Variants in SRARP observed in about 807,000 individuals in gnomAD.
SRARP encodes the protein steroid receptor-associated and regulated protein.
Under a neutral mutation model 3.6 loss-of-function variants are expected in SRARP, and 5 were observed. The observed-to-expected ratio is 1.39, with a 90% CI of 0.73 to 2.93. SRARP has a LOEUF of 2.93. Among genes scored for constraint, SRARP ranks in the 30% most tolerant of loss-of-function variants. SRARP has a pLI of 0.00. For missense variants in SRARP, 215 were observed against 216.7 expected (o/e 0.99, Z 0.05); for synonymous variants, 96 against 91.6 (o/e 1.05, Z -0.27).
chr1:16,006,779 G>C lies in SRARP; in HGVS notation c.*433G>C, dbSNP rs569794331. The C allele has an allele frequency of 2.7e-4, 43 of 160,990 alleles. No homozygotes were observed. Among genetic ancestry groups the C allele is most frequent in the Non-Finnish European group, 5.5e-4 (40 of 73,252 alleles). 10.0% of individuals were successfully genotyped at this position (160,990 alleles called of 1,614,324 possible). ...CTTTCCTGATGCAGTGCTTGGTAAG[G>C]GCCTCTCTGCGCAGGCAACAAAGTG... On this transcript the variant is annotated 3_prime_UTR_variant, in exon 2 of 2. Transcript: ENST00000329454.
chr1:16,004,283 G>A lies in SRARP; in HGVS notation c.-21G>A. ...GACAGCTCCTCTCCTGCCAGAGCTA[G>A]GCAGGCGCCGAAGTAGCCGCATGGC... On this transcript the variant is annotated 5_prime_UTR_variant, in exon 1 of 2. Transcript: ENST00000329454. The A allele has an allele frequency of 6.4e-7, 1 of 1,572,774 alleles. No individual in the cohort carries two copies. Among genetic ancestry groups the A allele is most frequent in the Non-Finnish European group, 8.7e-7 (1 of 1,155,566 alleles).
Position 16,004,363 on chromosome 1 carries a change from G to A in SRARP, c.60G>A (p.Glu20=), listed in dbSNP as rs763276374. The A allele has an allele frequency of 1.9e-6, 3 of 1,608,340 alleles. No individual in the cohort carries two copies. Among genetic ancestry groups the A allele is most frequent in the Non-Finnish European group, 2.5e-6 (3 of 1,177,768 alleles). Residue 20 remains glutamate, a synonymous_variant, in exon 1 of 2, where the codon GAG becomes GAA. Coordinates refer to ENST00000329454, the MANE Select transcript of SRARP (RefSeq NM_178840.4). ...WRANLKGTIR[E]TGLETSSGGK... ...CCAACCTCAAAGGCACCATCCGTGA[G>A]ACAGGCCTGGAGACCAGCTCCGGTA...
intron 1 of SRARP, among the ~76,000 whole-genome samples, chr1:16,004,608 G>A (rs1430333832): frequency 6.6e-6 from 1 of 151,816 alleles, no homozygotes; most frequent in Non-Finnish European, 1.5e-5. Flanking sequence ...CAGCTACTCA[G>A]GAGGTTGAGG....
At position 16,006,236 on chromosome 1, in the gene SRARP, G is replaced by A. The variant is rs750131649; in HGVS notation, c.400G>A (p.Glu134Lys). The A allele has an allele frequency of 1.7e-5, 28 of 1,613,494 alleles. No individual in the cohort carries two copies. Among genetic ancestry groups the A allele is most frequent in the Middle Eastern group, 1.6e-4 (1 of 6,084 alleles). Residue 134 changes from glutamate (E) to lysine (K), a missense_variant, in exon 2 of 2, where the codon GAG becomes AAG. By Grantham distance (56) the Glu-to-Lys change is moderately conservative (BLOSUM62 1). Transcript: ENST00000329454. ...CCCGCTCTGCCCCCAGGAGGTTCCC[G>A]AGGCTAAGGGGAAACCCGTGAAGGC... Reference protein sequence around the residue: ...VSPLCPQEVPEAKGKPVKAAP... With the variant: ...VSPLCPQEVPKAKGKPVKAAP...
chr1:16,004,375 G>A lies in SRARP; in HGVS notation c.72G>A (p.Glu24=). The change falls in exon 1 of 2, where the codon GAG becomes GAA. Residue 24 remains glutamate, a synonymous_variant. Coordinates refer to ENST00000329454, the MANE Select transcript of SRARP (RefSeq NM_178840.4). The part of the protein sequence containing the change: ...LKGTIRETGL[E]TSSGGKLAGH... ...GCACCATCCGTGAGACAGGCCTGGA[G>A]ACCAGCTCCGGTAAGAGGCGGCAAA... 3 of 1,605,838 alleles carry A rather than the reference G, an allele frequency of 1.9e-6. No individual in the cohort carries two copies. In the South Asian group the frequency reaches 3.4e-5, roughly 18 times the overall value.
rs1280993601 is a variant in SRARP, at chr1:16,006,195, C to T, written c.359C>T (p.Ala120Val). The change falls in exon 2 of 2, where the codon GCT becomes GTT. Residue 120 changes from alanine (A) to valine (V), a missense_variant. Coordinates refer to ENST00000329454, the MANE Select transcript of SRARP (RefSeq NM_178840.4). ...CTCTGCAGAGGGTCTGTGGCCTCAGCTTCCTTCCCAGTCAGCCCGCTCTGC... is the reference window on the plus strand; with the variant it reads ...CTCTGCAGAGGGTCTGTGGCCTCAGTTTCCTTCCCAGTCAGCCCGCTCTGC... ...LPLCRGSVASASFPVSPLCPQ... is the reference protein window; with the variant it reads ...LPLCRGSVASVSFPVSPLCPQ... The T allele has an allele frequency of 3.1e-6, 5 of 1,613,844 alleles. No individual in the cohort carries two copies. The highest frequency in any genetic ancestry group is 4.2e-6 in the Non-Finnish European group (5 of 1,180,054).
chr1:16,006,116 C>T lies in SRARP; in HGVS notation c.280C>T (p.Arg94Trp), dbSNP rs377647188. The T allele has an allele frequency of 1.2e-5, 19 of 1,613,720 alleles. No individual in the cohort carries two copies. Among genetic ancestry groups the T allele is most frequent in the Non-Finnish European group, 1.4e-5 (17 of 1,179,908 alleles). ...FCGENWPHLTRVTPMGGGCLA... is the reference protein window; with the variant it reads ...FCGENWPHLTWVTPMGGGCLA... ...TGGGGAAAACTGGCCCCATCTGACT[C>T]GGGTGACCCCCATGGGTGGGGGATG... The change falls in exon 2 of 2, where the codon CGG (arginine) becomes TGG (tryptophan). Residue 94 changes from arginine (R) to tryptophan (W), a missense_variant. By Grantham distance (101) the Arg-to-Trp change is moderately radical. Coordinates refer to ENST00000329454, the MANE Select transcript of SRARP (RefSeq NM_178840.4).
At position 16,006,753 on chromosome 1, in the gene SRARP, C is replaced by T. The variant is rs907198811; in HGVS notation, c.*407C>T. The T allele has an allele frequency of 4.2e-5, 7 of 168,168 alleles. No individual in the cohort carries two copies. The highest frequency in any genetic ancestry group is 3.9e-4 in the Admixed American group (7 of 17,754). 10.4% of individuals were successfully genotyped at this position (168,168 alleles called of 1,614,324 possible). On this transcript the variant is annotated 3_prime_UTR_variant, in exon 2 of 2. Transcript: ENST00000329454. ...AGAGGGAGAGTGATTGGGGTGAAGA[C>T]CTTTCCTGATGCAGTGCTTGGTAAG... is the stretch of plus-strand genomic sequence containing the variant.
Position 16,004,386 on chromosome 1 carries a change from G to T in SRARP, c.82+1G>T. The T allele has an allele frequency of 1.9e-6, 3 of 1,600,360 alleles. No homozygotes were observed. Among genetic ancestry groups the T allele is most frequent in the Non-Finnish European group, 2.6e-6 (3 of 1,173,194 alleles). On this transcript the variant is annotated splice_donor_variant, in intron 1 of 1. Transcript: ENST00000329454. LOFTEE classifies it high-confidence loss of function. ...GAGACAGGCCTGGAGACCAGCTCCGGTAAGAGGCGGCAAAGGGACCCCAGC... is the reference window on the plus strand; with the variant it reads ...GAGACAGGCCTGGAGACCAGCTCCGTTAAGAGGCGGCAAAGGGACCCCAGC...
rs1476222695 is a variant in SRARP, at chr1:16,007,628, G to A, written c.*1282G>A. The A allele has an allele frequency of 2.6e-5, 4 of 152,178 alleles. No homozygotes were observed. Among genetic ancestry groups the A allele is most frequent in the Admixed American group, 2.6e-4 (4 of 15,268 alleles). 9.4% of individuals were successfully genotyped at this position (152,178 alleles called of 1,614,324 possible). On this transcript the variant is annotated 3_prime_UTR_variant, in exon 2 of 2. Coordinates refer to ENST00000329454, the MANE Select transcript of SRARP (RefSeq NM_178840.4). The stretch of plus-strand genomic sequence containing the variant: ...CTTGACTTCTTTTAGTAGAGAAGAG[G>A]TCTCACTGTGCTGCCCAGGCTGGTC...
chr1:16,005,271 C>T (rs1452617283), intron 1 of SRARP, among the ~76,000 whole-genome samples: 1 of 152,168 alleles, frequency 6.6e-6, no homozygotes, highest in Non-Finnish European at 1.5e-5. Flanking sequence ...GGTCCATGGA[C>T]CAGCAGAATT....
rs2073129092 is a variant in SRARP, at chr1:16,006,331, T to TGGGCAGGCTGATTAGCTGGAAG, written c.503_504insTGATTAGCTGGAAGGGGCAGGC (p.Ter170=). The TGGGCAGGCTGATTAGCTGGAAG allele has an allele frequency of 6.3e-7, 1 of 1,594,284 alleles. No homozygotes were observed. The highest frequency in any genetic ancestry group is 1.7e-5 in the Admixed American group (1 of 58,610). On this transcript the variant is annotated stop_gained and frameshift_variant, in exon 2 of 2. Transcript: ENST00000329454. LOFTEE classifies it high-confidence loss of function. ...TGAAAGCCCTCTCCTCTTGTGTCTG[T>TGGGCAGGCTGATTAGCTGGAAG]GGGCAGGCCGATTAGCTGGAAGGGC...
At chr1:16,005,787 T>A in intron 1 of SRARP, 132 bp from the exon 2 acceptor site, 1 of 858,658 alleles carries the variant, frequency 1.2e-6, no homozygotes, top group Non-Finnish European at 1.8e-6. Flanking sequence ...ATGGGAGGAT[T>A]GGTTGAGCCC....
At chr1:16,005,370 A>G (rs1161622159) in intron 1 of SRARP, among the ~76,000 whole-genome samples, 1 of 152,152 alleles carries the variant, frequency 6.6e-6, no homozygotes, top group East Asian at 1.9e-4. Context: ...CAAGCTCCCC[A>G]GGCAGCTCAT....
At position 16,006,260 on chromosome 1, in the gene SRARP, G is replaced by C. The variant is rs1489855451; in HGVS notation, c.424G>C (p.Ala142Pro). 5.6e-6 allele frequency: 9 copies of C among 1,613,802 alleles called. No homozygotes were observed. The East Asian group carries it at 8.9e-5, about 16-fold the overall frequency. Reference sequence around the variant, plus strand: ...CGAGGCTAAGGGGAAACCCGTGAAGGCTGCGCCTGTGAGGTCTTCAACTTG... The same window carrying C: ...CGAGGCTAAGGGGAAACCCGTGAAGCCTGCGCCTGTGAGGTCTTCAACTTG... ...VPEAKGKPVK[A>P]APVRSSTWGT... The change falls in exon 2 of 2, where the codon GCT becomes CCT. Residue 142 changes from alanine to proline, a missense_variant. Ala to Pro is a conservative substitution (Grantham distance 27). Transcript: ENST00000329454.
Position 16,008,421 on chromosome 1 carries a change from T to C in SRARP, c.*2075T>C, listed in dbSNP as rs915466665. 6.6e-6 allele frequency: 1 copy of C among 152,158 alleles called. No homozygotes were observed. The highest frequency in any genetic ancestry group is 2.4e-5 in the African/African-American group (1 of 41,430). The allele number at this position is 152,158 out of a possible 1,614,324, so 9.4% of individuals were successfully genotyped here. A position where few individuals can be genotyped will look rare whatever the true frequency, so the allele number is the denominator to read the frequency against. ...TGAGATGGAGCAATGAATAAGACAA[T>C]GAGGCCCAGCCACAAAATAGTTTAT... On this transcript the variant is annotated 3_prime_UTR_variant, in exon 2 of 2. Transcript: ENST00000329454.
chr1:16,005,865 GGAAAA>G, intron 1 of SRARP, 49 bp from the exon 2 acceptor site: 1 of 1,465,518 alleles, frequency 6.8e-7, no homozygotes, highest in Non-Finnish European at 9.2e-7. Flanking sequence ...CTGTCTCAGG[GGAAAA>G]GAAAAGTCCC....
chr1:16,004,882 G>A (rs543857205), intron 1 of SRARP, among the ~76,000 whole-genome samples: 4 of 152,248 alleles, frequency 2.6e-5, no homozygotes, highest in Non-Finnish European at 4.4e-5. Flanking sequence ...CTGAGCCCAC[G>A]TCGTGTTTCA....
chr1:16,004,247 G>T lies in SRARP; in HGVS notation c.-57G>T, dbSNP rs917825230. ...GCAGTGGGGGAGCCACATCCTGGAA[G>T]AGTGGCCTAGGACAGCTCCTCTCCT... On this transcript the variant is annotated 5_prime_UTR_variant, in exon 1 of 2. Coordinates refer to ENST00000329454, the MANE Select transcript of SRARP (RefSeq NM_178840.4). 7 of 1,426,668 alleles carry T rather than the reference G, an allele frequency of 4.9e-6. No individual in the cohort carries two copies. The highest frequency in any genetic ancestry group is 5.8e-6 in the Non-Finnish European group (6 of 1,035,526). The allele number at this position is 1,426,668 out of a possible 1,614,324, so 88.4% of individuals were successfully genotyped here.
Sources: gnomAD v4.1 joint callset for allele counts (sites outside exome capture counted in the v4.1 genomes callset) on GRCh38, gnomAD v4.1.1 for gene constraint, MANE v1.5 for transcripts, NCBI Gene and HGNC (gene_info 2026-07-23, HGNC 2026-07-21) for gene names.